Variants in NPAS3 observed in about 807,000 individuals in gnomAD.
The protein encoded by NPAS3 is neuronal PAS domain protein 3.
In NPAS3, 14 loss-of-function variants were observed where a neutral mutation model predicts 73.1. That is an observed-to-expected ratio of 0.19 (90% CI 0.13 to 0.30). The LOEUF is 0.30. Among genes scored for constraint, NPAS3 ranks in the 10% least tolerant of loss-of-function variants. The pLI is 1.00. For missense variants in NPAS3, 1,096 were observed against 1,250.0 expected (o/e 0.88, Z 1.86); for synonymous variants, 620 against 541.5 (o/e 1.14, Z -2.01).
At chr14:33,115,698 A>G (rs1054148861) in intron 2 of NPAS3, among the ~76,000 whole-genome samples, 1 of 152,118 alleles carries the variant, frequency 6.6e-6, no homozygotes, top group Non-Finnish European at 1.5e-5. Flanking sequence ...TTTCTATAAG[A>G]TGGTCATCAC....
chr14:33,196,477 G>A (rs369112299), intron 2 of NPAS3, among the ~76,000 whole-genome samples: 4 of 152,150 alleles, frequency 2.6e-5, no homozygotes, highest in African/African-American at 9.7e-5. Context: ...CCTTGTCACT[G>A]ACATGTTTCT....
At chr14:33,602,080 G>A (rs796350864) in intron 5 of NPAS3, among the ~76,000 whole-genome samples, 6 of 152,320 alleles carry the variant, frequency 3.9e-5, no homozygotes, top group African/African-American at 7.2e-5. Flanking sequence ...AAACAGAACC[G>A]AGAGTGTGGG....
At chr14:33,115,598 GA>G (rs1047560942) in intron 2 of NPAS3, among the ~76,000 whole-genome samples, 1 of 152,126 alleles carries the variant, frequency 6.6e-6, no homozygotes, top group African/African-American at 2.4e-5. Flanking sequence ...ATTGAGTAAA[GA>G]AAGTACCTAG....
chr14:33,409,799 G>A (rs533762074), intron 4 of NPAS3, among the ~76,000 whole-genome samples: 1 of 152,248 alleles, frequency 6.6e-6, no homozygotes, highest in African/African-American at 2.4e-5. Context: ...GTGACTACGA[G>A]AATATGGAAT....
At chr14:33,283,446 T>A (rs1051698266) in intron 3 of NPAS3, among the ~76,000 whole-genome samples, 1 of 152,230 alleles carries the variant, frequency 6.6e-6, no homozygotes, top group Non-Finnish European at 1.5e-5. Flanking sequence ...TCAAACTTAC[T>A]GAAGTGCTAT....
At position 33,570,459 on chromosome 14, in the gene NPAS3, AT is replaced by A. The variant is rs775641062; in HGVS notation, c.558+10251del. The stretch of plus-strand genomic sequence containing the variant: ...ACATCCCTGAGGACAGAAGATGCAA[AT>A]TCAAGGAAAATAAGAGGTGAGACTA... On this transcript the variant is annotated intron_variant, in intron 5 of 11. Coordinates refer to ENST00000356141, the Ensembl canonical transcript of NPAS3. 1.3e-4 allele frequency among the ~76,000 whole-genome samples: 20 copies of A among 152,314 alleles called. 1 individual carries two copies. The South Asian group carries it at 3.9e-3, about 30-fold the overall frequency.
intron 6 of NPAS3, among the ~76,000 whole-genome samples, chr14:33,688,480 TCCCCCACCCA>T (rs1189281817): frequency 2.0e-5 from 3 of 151,902 alleles, no homozygotes; most frequent in Admixed American, 2.0e-4. Flanking sequence ...GATGCCACCT[TCCCCCACCCA>T]TGCCACTCTC....
chr14:33,173,788 G>C (rs2045484144), intron 2 of NPAS3, among the ~76,000 whole-genome samples: 1 of 152,154 alleles, frequency 6.6e-6, no homozygotes, highest in South Asian at 2.1e-4. Flanking sequence ...TTCAAAAACT[G>C]TAGCAGCAAT....
chr14:33,673,134 C>T (rs894019702), intron 5 of NPAS3, among the ~76,000 whole-genome samples: 6 of 152,196 alleles, frequency 3.9e-5, no homozygotes, highest in Non-Finnish European at 8.8e-5. Flanking sequence ...CTGCCCTCAG[C>T]CTCCTCCCTT....
chr14:33,472,059 T>C (rs1260900611), intron 4 of NPAS3, among the ~76,000 whole-genome samples: 3 of 152,180 alleles, frequency 2.0e-5, no homozygotes, highest in African/African-American at 7.2e-5. Flanking sequence ...GTATTCTAGC[T>C]GGAGGAGAGA....
At chr14:33,005,218 G>A (rs933734153) in intron 1 of NPAS3, among the ~76,000 whole-genome samples, 1 of 152,112 alleles carries the variant, frequency 6.6e-6, no homozygotes, top group African/African-American at 2.4e-5. Flanking sequence ...GGACAAGCTT[G>A]CTTTACACCA....
intron 4 of NPAS3, among the ~76,000 whole-genome samples, chr14:33,473,856 CACT>C (rs2050899615): frequency 6.6e-6 from 1 of 152,194 alleles, no homozygotes. Context: ...GCTGCTTTAG[CACT>C]ACAATTGCAA....
chr14:33,155,828 A>G (rs1318357313), intron 2 of NPAS3, among the ~76,000 whole-genome samples: 1 of 152,190 alleles, frequency 6.6e-6, no homozygotes, highest in Non-Finnish European at 1.5e-5. Flanking sequence ...GATGCCAGCA[A>G]CATCAAAATA....
intron 2 of NPAS3, among the ~76,000 whole-genome samples, chr14:33,119,734 G>A (rs1302548718): frequency 6.6e-6 from 1 of 152,124 alleles, no homozygotes; most frequent in African/African-American, 2.4e-5. Context: ...AAGGCATTCA[G>A]AATCAAGATC....
At chr14:33,366,959 A>G (rs1018062891) in intron 3 of NPAS3, among the ~76,000 whole-genome samples, 2 of 147,974 alleles carry the variant, frequency 1.4e-5, no homozygotes, top group African/African-American at 5.0e-5. Flanking sequence ...TTAAAGTCTG[A>G]ATGTATTTTT....
intron 5 of NPAS3, among the ~76,000 whole-genome samples, chr14:33,619,607 G>A (rs1346243536): frequency 1.3e-5 from 2 of 152,168 alleles, no homozygotes; most frequent in Admixed American, 6.5e-5. Flanking sequence ...GTGCACACAC[G>A]TGCTCTTTTA....
chr14:33,285,890 A>G (rs1413540681), intron 3 of NPAS3, among the ~76,000 whole-genome samples: 3 of 152,138 alleles, frequency 2.0e-5, no homozygotes, highest in South Asian at 2.1e-4. Flanking sequence ...CTTTCCTCCT[A>G]GGTAAGACTG....
chr14:32,991,258 T>G (rs567880298), intron 1 of NPAS3, among the ~76,000 whole-genome samples: 24 of 152,198 alleles, frequency 1.6e-4, no homozygotes, highest in African/African-American at 5.5e-4. Flanking sequence ...GGGGCTATAA[T>G]TTCAGCAGAA....
chr14:33,053,200 G>A (rs1404580234), intron 1 of NPAS3, among the ~76,000 whole-genome samples: 1 of 152,150 alleles, frequency 6.6e-6, no homozygotes, highest in Non-Finnish European at 1.5e-5. Context: ...TATTTGACCA[G>A]ATGGTGGAAA....
Sources: gnomAD v4.1 joint callset for allele counts (sites outside exome capture counted in the v4.1 genomes callset) on GRCh38, gnomAD v4.1.1 for gene constraint, MANE v1.5 for transcripts, NCBI Gene and HGNC (gene_info 2026-07-23, HGNC 2026-07-21) for gene names.